The following NCKAP5 variants were observed in gnomAD, a reference collection of about 807,000 sequenced individuals.
NCKAP5 encodes NCK associated protein 5.
NCKAP5 carries 92 observed loss-of-function variants against 167.0 expected under a neutral mutation model. The ratio of observed to expected loss-of-function variants is 0.55; its 90% CI spans 0.47 to 0.66. The LOEUF (loss-of-function observed/expected upper bound fraction) is 0.66. Ranked by LOEUF, NCKAP5 falls within the 30% of genes least tolerant of loss-of-function variation. NCKAP5 has a pLI of 0.00. For synonymous variants in NCKAP5, 891 were observed against 877.4 expected, an observed-to-expected ratio of 1.02 and a Z score of -0.27; for missense variants, 2,378 against 2,315.0, an observed-to-expected ratio of 1.03 and a Z score of -0.56.
intron 11 of NCKAP5, among the ~76,000 whole-genome samples, chr2:132,821,053 A>G (rs1185972549): frequency 6.6e-6 from 1 of 152,198 alleles, no homozygotes; most frequent in Non-Finnish European, 1.5e-5. Flanking sequence ...TGGAGCTTCA[A>G]AATGGATGGA....
At chr2:132,780,221 G>A (rs756418821) in intron 15 of NCKAP5, among the ~76,000 whole-genome samples, 3 of 151,968 alleles carry the variant, frequency 2.0e-5, no homozygotes, top group South Asian at 2.1e-4. Context: ...GCACAATCTC[G>A]GCTCGCTGCA....
chr2:132,813,763 T>C (rs555578809), intron 11 of NCKAP5, among the ~76,000 whole-genome samples: 1 of 152,324 alleles, frequency 6.6e-6, no homozygotes, highest in Non-Finnish European at 1.5e-5. Flanking sequence ...AAATGCAATG[T>C]CAGTGTTTTG....
chr2:133,086,362 C>CAA (rs2080990596), intron 6 of NCKAP5, among the ~76,000 whole-genome samples: 1 of 152,084 alleles, frequency 6.6e-6, no homozygotes, highest in Non-Finnish European at 1.5e-5. Context: ...AAATTTGAGG[C>CAA]AGAAGTGACT....
At chr2:132,838,274 T>C (rs1201996834) in intron 11 of NCKAP5, among the ~76,000 whole-genome samples, 2 of 152,140 alleles carry the variant, frequency 1.3e-5, no homozygotes, top group African/African-American at 4.8e-5. Context: ...ACTTAGGTTG[T>C]AGCTTCTTCT....
chr2:133,311,153 A>T (rs1189308654), intron 3 of NCKAP5, among the ~76,000 whole-genome samples: 1 of 152,150 alleles, frequency 6.6e-6, no homozygotes, highest in African/African-American at 2.4e-5. Flanking sequence ...AATCACAAGT[A>T]CCACAGTGGG....
At chr2:133,549,092 A>G (rs1349042333) in intron 2 of NCKAP5, among the ~76,000 whole-genome samples, 1 of 151,150 alleles carries the variant, frequency 6.6e-6, no homozygotes, top group Non-Finnish European at 1.5e-5. Context: ...GTCTCTGATA[A>G]AACAGACTTT....
chr2:133,210,458 T>TA lies in NCKAP5; in HGVS notation c.207+3257dup, dbSNP rs533131796. Among the ~76,000 whole-genome samples, 44 of 151,972 alleles carry TA rather than the reference T, an allele frequency of 2.9e-4. No homozygotes were observed. The South Asian group carries it at 3.7e-3, about 13-fold the overall frequency. On this transcript the variant is annotated intron_variant, in intron 5 of 19. Coordinates refer to ENST00000409261, the MANE Select transcript of NCKAP5 (RefSeq NM_207363.3). ...TTTTCCTTTCATGTGAATAAAAATATAAAAAAAACTGTAAACAGTAGTCTC... is the reference window on the plus strand; with the variant it reads ...TTTTCCTTTCATGTGAATAAAAATATAAAAAAAAACTGTAAACAGTAGTCTC...
At chr2:132,925,407 A>T (rs1277364356) in intron 8 of NCKAP5, among the ~76,000 whole-genome samples, 2 of 151,626 alleles carry the variant, frequency 1.3e-5, no homozygotes, top group African/African-American at 4.8e-5. Context: ...ACAAAAAAAA[A>T]AAAAATTAGC....
At chr2:132,910,867 C>T (rs1694393891) in intron 8 of NCKAP5, among the ~76,000 whole-genome samples, 2 of 152,190 alleles carry the variant, frequency 1.3e-5, no homozygotes, top group Non-Finnish European at 2.9e-5. Flanking sequence ...CTCATCCATT[C>T]TAGGCCTTCT....
At chr2:132,704,292 A>G (rs72844755) in intron 19 of NCKAP5, among the ~76,000 whole-genome samples, 2 of 152,046 alleles carry the variant, frequency 1.3e-5, no homozygotes, top group African/African-American at 4.8e-5. Flanking sequence ...ATTTCATGTC[A>G]TCTGACTGCC....
In NCKAP5 at chr2:132,782,581, G is replaced by A; in HGVS notation, c.4230C>T (p.Asp1410=). 1 of 1,583,956 alleles carries A rather than the reference G, an allele frequency of 6.3e-7. No individual in the cohort carries two copies. Among genetic ancestry groups the A allele is most frequent in the South Asian group, 1.2e-5 (1 of 84,648 alleles). Residue 1410 remains aspartate, a synonymous_variant, in exon 14 of 20, where the codon GAC becomes GAT. Transcript: ENST00000409261. ...TTGGGGTGGGTGGGCAACTGCGGCGGTCACTGCCTGGTTCCCCAAGTACAG... is the reference window on the plus strand; with the variant it reads ...TTGGGGTGGGTGGGCAACTGCGGCGATCACTGCCTGGTTCCCCAAGTACAG... ...NVAVLGEPGS[D]RRSCPPTPTD...
At chr2:133,073,405 A>G (rs565851100) in intron 6 of NCKAP5, among the ~76,000 whole-genome samples, 6 of 152,330 alleles carry the variant, frequency 3.9e-5, no homozygotes, top group Middle Eastern at 3.4e-3. Context: ...TTTAGAAGTG[A>G]CCTGAAGCTG....
intron 3 of NCKAP5, among the ~76,000 whole-genome samples, chr2:133,387,213 C>G (rs1379698215): frequency 6.6e-6 from 1 of 152,096 alleles, no homozygotes. Context: ...TTAGTGCTTC[C>G]TTCAGGAGCT....
chr2:132,979,972 T>TTTTTC (rs2077083263), intron 7 of NCKAP5, among the ~76,000 whole-genome samples: 1 of 151,364 alleles, frequency 6.6e-6, no homozygotes, highest in African/African-American at 2.4e-5. Context: ...CAATGATTTT[T>TTTTTC]TTTTTCTTTT....
intron 3 of NCKAP5, among the ~76,000 whole-genome samples, chr2:133,312,740 C>T (rs1681334380): frequency 6.6e-6 from 1 of 152,174 alleles, no homozygotes; most frequent in Non-Finnish European, 1.5e-5. Flanking sequence ...TTAATTAAAA[C>T]ACTGTATTTT....
At chr2:133,284,206 G>C (rs2090026037) in intron 4 of NCKAP5, among the ~76,000 whole-genome samples, 1 of 151,702 alleles carries the variant, frequency 6.6e-6, no homozygotes, top group Non-Finnish European at 1.5e-5. Flanking sequence ...AATAAACATA[G>C]AATTAATTAC....
intron 6 of NCKAP5, among the ~76,000 whole-genome samples, chr2:133,060,555 C>T (rs552300854): frequency 2.6e-5 from 4 of 152,246 alleles, no homozygotes; most frequent in South Asian, 4.1e-4. Context: ...GTTTTCTAGC[C>T]GTCCCTGAAA....
chr2:132,971,401 G>A (rs1359977280), intron 7 of NCKAP5, among the ~76,000 whole-genome samples: 2 of 152,174 alleles, frequency 1.3e-5, no homozygotes, highest in Non-Finnish European at 2.9e-5. Context: ...ATGGGCAGAT[G>A]GGGCTAGGCC....
the NCKAP5 span, among the ~76,000 whole-genome samples, chr2:133,650,447 C>T: frequency 1.4e-4 from 22 of 152,130 alleles, no homozygotes; most frequent in Non-Finnish European, 2.6e-4. Flanking sequence ...TATTACACTT[C>T]CAGATTTTAA....
Sources: allele counts gnomAD v4.1 joint callset (sites outside exome capture counted in the v4.1 genomes callset), GRCh38; gene constraint gnomAD v4.1.1; transcripts MANE v1.5; gene names NCBI Gene and HGNC (gene_info 2026-07-23, HGNC 2026-07-21).